The following CDHR2 variants were observed in gnomAD, a reference collection of about 807,000 sequenced individuals.
CDHR2 encodes cadherin related family member 2, also known as cadherin-related family member 2.
A neutral mutation model predicts 138.6 loss-of-function variants in CDHR2; 104 were observed. That is an observed-to-expected ratio of 0.75 (90% confidence interval 0.64 to 0.88). The LOEUF (loss-of-function observed/expected upper bound fraction) is 0.88. Ranked by LOEUF, CDHR2 falls within the 40% of genes least tolerant of loss-of-function variation. The pLI is 0.00. For synonymous variants in CDHR2, 755 were observed against 742.8 expected, an observed-to-expected ratio of 1.02 and a Z score of -0.27; for missense variants, 1,624 against 1,727.6, an observed-to-expected ratio of 0.94 and a Z score of 1.06.
rs1289314151 is a variant in CDHR2 at position 176,590,466 on chromosome 5, A to T, written c.3395A>T (p.Gln1132Leu). Residue 1132 changes from glutamine to leucine, a missense_variant, in exon 27 of 32, where the codon CAG becomes CTG. By Grantham distance (113) the Gln-to-Leu change is moderately radical (BLOSUM62 -2). Around this residue, in one of 3 missense-constraint regions of CDHR2, gnomAD observed 556 missense variants for 565.7 expected, o/e 0.98. Transcript: ENST00000261944. ...NDQDSLTQLL[Q>L]LGLVVLGSQE... ...CAGGACTCGCTGACGCAGCTGCTGC[A>T]GCTGGGGCTGGTGGTGCTGGTGAGT... 6.2e-7 allele frequency: 1 copy of T among 1,613,914 alleles called. No homozygotes were observed.
chr5:176,582,356 T>A (rs6860040), intron 17 of CDHR2, among the ~76,000 whole-genome samples: 141,812 of 152,250 alleles, frequency 0.93, 66,936 homozygotes, highest in East Asian at 1. Flanking sequence ...TTTCATAGAA[T>A]CAGAGTCTCA....
intron 21 of CDHR2, 83 bp from the exon 22 acceptor site, chr5:176,588,948 C>A (rs964626879): frequency 1.4e-6 from 2 of 1,468,598 alleles, no homozygotes; most frequent in African/African-American, 2.8e-5. Flanking sequence ...GCCTCCCAGG[C>A]CACCCTTGCC....
chr5:176,553,320 C>T lies in CDHR2; in HGVS notation c.-16+3906C>T, dbSNP rs1757751328. Among the ~76,000 whole-genome samples, 1 of 152,194 alleles carries T rather than the reference C, an allele frequency of 6.6e-6. No individual in the cohort carries two copies. The highest frequency in any genetic ancestry group is 6.5e-5 in the Admixed American group (1 of 15,284). On this transcript the variant is annotated intron_variant, in intron 1 of 31. Transcript: ENST00000261944. This position sits in a 1 kb window ranked among gnomAD's most constrained non-coding sequence, Gnocchi z 4.3. ...CCGCGCCCTTTCCCCTCTTGGACGT[C>T]AGTTTGCTGAGGACTAAATGGTAAT...
rs558066012 is a variant in CDHR2 at position 176,543,044 on chromosome 5, G to A, written c.-16+275G>A. On this transcript the variant is annotated intron_variant, in intron 1 of 31. Coordinates refer to the CDHR2 transcript ENST00000510636. The surrounding 1 kb of genome is among the most constrained non-coding windows in gnomAD (Gnocchi z 4.0). Reference sequence around the variant, plus strand: ...GGCTCGGAGTTCCCCGGGGCTCCCCGAGTTGGGGCGTTTGGACCTAGCGGA... The same window carrying A: ...GGCTCGGAGTTCCCCGGGGCTCCCCAAGTTGGGGCGTTTGGACCTAGCGGA... Among the ~76,000 whole-genome samples the A allele has an allele frequency of 6.6e-6, 1 of 152,004 alleles. No individual in the cohort carries two copies. The highest frequency in any genetic ancestry group is 1.5e-5 in the Non-Finnish European group (1 of 67,880).
intron 31 of CDHR2, 120 bp from the exon 32 acceptor site, chr5:176,595,410 AGG>A (rs1759000935): frequency 8.8e-7 from 1 of 1,140,272 alleles, no homozygotes; most frequent in Admixed American, 2.6e-5. Context: ...CAGGAGGGGC[AGG>A]GTGGGACCCC....
At chr5:176,593,131 T>C (rs1458154742) in intron 31 of CDHR2, among the ~76,000 whole-genome samples, 4 of 152,152 alleles carry the variant, frequency 2.6e-5, no homozygotes, top group Non-Finnish European at 2.9e-5. Context: ...ATGGCCGTTA[T>C]AGGAAAGCCA....
At chr5:176,592,513 T>C (rs929214266) in intron 30 of CDHR2, among the ~76,000 whole-genome samples, 7 of 143,942 alleles carry the variant, frequency 4.9e-5, no homozygotes, top group Non-Finnish European at 1.1e-4. Context: ...GTGATTATGA[T>C]GATAGTGGTG....
intron 3 of CDHR2, chr5:176,567,205 GT>G: frequency 3.0e-6 from 1 of 335,376 alleles, no homozygotes; most frequent in Non-Finnish European, 5.9e-6. Context: ...GTCTGGCTCT[GT>G]CCCCCAGGCT....
At position 176,543,571 on chromosome 5, in the gene CDHR2, C is replaced by T. The variant is rs1757511182; in HGVS notation, c.-16+802C>T. On this transcript the variant is annotated intron_variant, in intron 1 of 31. Coordinates refer to the CDHR2 transcript ENST00000510636. The surrounding 1 kb of genome is among the most constrained non-coding windows in gnomAD (Gnocchi z 4.0). ...GCCAGGGGTGCGTAAGGGCGCGGCGCCTGGGGCCTGGCAGCCTCCGTGACC... is the reference window on the plus strand; with the variant it reads ...GCCAGGGGTGCGTAAGGGCGCGGCGTCTGGGGCCTGGCAGCCTCCGTGACC... 6.6e-6 allele frequency: 1 copy of T among 152,274 alleles called. No homozygotes were observed. Among genetic ancestry groups the T allele is most frequent in the African/African-American group, 2.4e-5 (1 of 41,462 alleles). 9.4% of individuals were successfully genotyped at this position (152,274 alleles called of 1,614,324 possible).
chr5:176,584,443 C>T lies in CDHR2; in HGVS notation c.2162C>T (p.Ala721Val), dbSNP rs115050587. The T allele has an allele frequency of 0.011, 17,484 of 1,602,122 alleles. 131 individuals carry two copies. The highest frequency in any genetic ancestry group is 0.013 in the Non-Finnish European group (15,106 of 1,172,902). The change falls in exon 19 of 32, where the codon GCG becomes GTG. Residue 721 changes from alanine (A) to valine (V), a missense_variant. Coordinates refer to ENST00000261944, the MANE Select transcript of CDHR2 (RefSeq NM_017675.6). The part of the protein sequence containing the change: ...VLVGVVKAWD[A>V]DQTEANNRIS... ...GTGGGCGTGGTGAAGGCCTGGGACGCGGACCAGACGGAAGCCAACAACCGC... is the reference window on the plus strand; with the variant it reads ...GTGGGCGTGGTGAAGGCCTGGGACGTGGACCAGACGGAAGCCAACAACCGC...
chr5:176,572,586 C>G lies in CDHR2; in HGVS notation c.405+1284C>G, dbSNP rs533908024. Among the ~76,000 whole-genome samples, 17 of 152,236 alleles carry G rather than the reference C, an allele frequency of 1.1e-4. 1 individual carries two copies. Among genetic ancestry groups the G allele is most frequent in the Admixed American group, 3.9e-4 (6 of 15,302 alleles). On this transcript the variant is annotated intron_variant, in intron 6 of 31. Transcript: ENST00000261944. The stretch of plus-strand genomic sequence containing the variant: ...AGGCTCTCATGGGTTGGGTCTGCAT[C>G]GTGGGCCTTCCCCGCAGCAAGGGGG...
chr5:176,575,914 CT>C lies in CDHR2; in HGVS notation c.961-37del, dbSNP rs769725767. The C allele has an allele frequency of 2.5e-6, 4 of 1,585,936 alleles. No individual in the cohort carries two copies. In the African/African-American group the frequency reaches 5.4e-5, roughly 21 times the overall value. ...GGCCTTTGATCTCTCTCTCTGAGCACTGGCTCTCTGCCCTCTGCCCTCTGCT... is the reference window on the plus strand; with the variant it reads ...GGCCTTTGATCTCTCTCTCTGAGCACGGCTCTCTGCCCTCTGCCCTCTGCT... On this transcript the variant is annotated intron_variant, in intron 11 of 31. Coordinates refer to ENST00000261944, the MANE Select transcript of CDHR2 (RefSeq NM_017675.6).
intron 1 of CDHR2, among the ~76,000 whole-genome samples, chr5:176,550,250 G>T (rs1757675978): frequency 6.6e-6 from 1 of 152,256 alleles, no homozygotes. Flanking sequence ...GGCCTGGAGA[G>T]GGGAGAGGGC....
rs771363502 is a variant in CDHR2, at chr5:176,568,764, G to T, written c.211G>T (p.Ala71Ser). 9.9e-6 allele frequency: 16 copies of T among 1,614,072 alleles called. No homozygotes were observed. The Admixed American group carries it at 1.2e-4, about 12-fold the overall frequency. ...GMSGPNAYFF[A>S]VTPKTGEVKL... ...GAGCGGCCCCAATGCCTACTTCTTC[G>T]CTGTCACTCCGAAAACTGGGGAAGT... Residue 71 changes from alanine (A) to serine (S), a missense_variant, in exon 4 of 32, where the codon GCT becomes TCT. Ala to Ser is a moderately conservative substitution (Grantham distance 99). Transcript: ENST00000261944.
At chr5:176,569,766 C>G (rs1758180108) in intron 5 of CDHR2, among the ~76,000 whole-genome samples, 2 of 152,036 alleles carry the variant, frequency 1.3e-5, no homozygotes, top group South Asian at 4.1e-4. Flanking sequence ...CAAGACCACC[C>G]TGGCCAACAT....
intron 5 of CDHR2, 66 bp from the exon 6 acceptor site, chr5:176,571,147 T>C (rs1758219258): frequency 4.0e-6 from 4 of 1,000,406 alleles, no homozygotes; most frequent in Middle Eastern, 4.3e-4. Flanking sequence ...CTTTGTACGA[T>C]ACTTGCAACT....
chr5:176,581,265 G>C, intron 16 of CDHR2, 78 bp from the exon 17 acceptor site: 1 of 1,574,942 alleles, frequency 6.3e-7, no homozygotes. Flanking sequence ...GCGCTGGAGA[G>C]GAGGGTCCGG....
chr5:176,549,396 C>T lies in CDHR2; in HGVS notation c.-34C>T, dbSNP rs143453361. The T allele has an allele frequency of 2.2e-3, 333 of 152,328 alleles. 1 individual carries two copies. The highest frequency in any genetic ancestry group is 3.8e-3 in the Non-Finnish European group (262 of 68,064). 9.4% of individuals were successfully genotyped at this position (152,328 alleles called of 1,614,324 possible). A position where few individuals can be genotyped will look rare whatever the true frequency, so the allele number is the denominator to read the frequency against. ...CTGTCCGGCGCCTGCCTGCCGCCTC[C>T]GTGGCGAAGGGGACACAGGTAGGGA... is the stretch of plus-strand genomic sequence containing the variant. On this transcript the variant is annotated 5_prime_UTR_variant, in exon 1 of 32. Coordinates refer to ENST00000261944, the MANE Select transcript of CDHR2 (RefSeq NM_017675.6).
chr5:176,587,671 GCAGTTCC>G lies in CDHR2; in HGVS notation c.2856+833_2856+839del, dbSNP rs577481927. Reference sequence around the variant, plus strand: ...CGTTTCCCTGTTCAACAAGAAGCTAGCAGTTCCCAGAAGGTGGCATGTGGGTGCCATT... The same window carrying G: ...CGTTTCCCTGTTCAACAAGAAGCTAGCAGAAGGTGGCATGTGGGTGCCATT... On this transcript the variant is annotated intron_variant, in intron 21 of 31. Coordinates refer to ENST00000261944, the MANE Select transcript of CDHR2 (RefSeq NM_017675.6). 2.4e-3 allele frequency among the ~76,000 whole-genome samples: 364 copies of G among 152,240 alleles called. 2 individuals carry two copies. The highest frequency in any genetic ancestry group is 8.4e-3 in the African/African-American group (350 of 41,546).
Sources: gnomAD v4.1 joint callset for allele counts (sites outside exome capture counted in the v4.1 genomes callset) on GRCh38, gnomAD v4.1.1 for gene constraint, gnomAD v4.1.1 regional missense constraint, Gnocchi (gnomAD v3.1) non-coding constraint, MANE v1.5 for transcripts, NCBI Gene and HGNC (gene_info 2026-07-23, HGNC 2026-07-21) for gene names.